The following UBR4 variants were observed in gnomAD, a reference collection of about 807,000 sequenced individuals.
UBR4 encodes E3 ubiquitin-protein ligase UBR4.
Under a neutral mutation model 575.6 loss-of-function variants are expected in UBR4, and 124 were observed. The ratio of observed to expected loss-of-function variants is 0.22; its 90% CI spans 0.19 to 0.25. The LOEUF (loss-of-function observed/expected upper bound fraction) is 0.25. Among genes scored for constraint, UBR4 ranks in the 10% least tolerant of loss-of-function variants. The probability of loss-of-function intolerance (pLI) is 1.00; values close to 1 mark genes in which losing one functional copy is unlikely to be tolerated. For synonymous variants in UBR4, 2,455 were observed against 2,473.7 expected (o/e 0.99, Z 0.22); for missense variants, 4,818 against 6,478.8 (o/e 0.74, Z 8.80).
Position 19,151,845 on chromosome 1 carries a change from G to A in UBR4, c.7011C>T (p.Thr2337=). Reference sequence around the variant, plus strand: ...TGCTATTGTTGTTACTAATCTCAATGGTGAAGCCTCCGGGCTGTAGGGAGA... The same window carrying A: ...TGCTATTGTTGTTACTAATCTCAATAGTGAAGCCTCCGGGCTGTAGGGAGA... ...YVANTKPGGF[T]IEISNNNSTM... is the part of the protein sequence containing the mutation. Residue 2337 remains threonine (T), a synonymous_variant, in exon 48 of 106, where the codon ACC becomes ACT. Transcript: ENST00000375254. The A allele has an allele frequency of 6.2e-7, 1 of 1,602,638 alleles. No individual in the cohort carries two copies.
At position 19,172,890 on chromosome 1, in the gene UBR4, G is replaced by C. The variant is rs1212165331; in HGVS notation, c.3495C>G (p.Leu1165=). ...TKNLLPATLQ[L]IDTYASFTRA... The stretch of plus-strand genomic sequence containing the variant: ...TGGTGAACGATGCATAGGTGTCAAT[G>C]AGTTGCAGCGTGGCTGGAAGTAGGT... Residue 1165 remains leucine, a synonymous_variant, in exon 25 of 106, where the codon CTC becomes CTG. Transcript: ENST00000375254. The C allele has an allele frequency of 6.2e-7, 1 of 1,614,210 alleles. No individual in the cohort carries two copies. Among genetic ancestry groups the C allele is most frequent in the Non-Finnish European group, 8.5e-7 (1 of 1,180,036 alleles).
chr1:19,090,338 T>G (rs547669996), intron 97 of UBR4, among the ~76,000 whole-genome samples: 13 of 152,284 alleles, frequency 8.5e-5, no homozygotes, highest in African/African-American at 3.1e-4. Flanking sequence ...TCCCTTCAAT[T>G]CACTCTCTGT....
At position 19,193,473 on chromosome 1, in the gene UBR4, T is replaced by C; in HGVS notation, c.1103A>G (p.Asp368Gly). The C allele has an allele frequency of 6.2e-7, 1 of 1,614,226 alleles. No homozygotes were observed. Among genetic ancestry groups the C allele is most frequent in the Non-Finnish European group, 8.5e-7 (1 of 1,180,022 alleles). ...VRTGSTSSKE[D>G]DYESDAATIV... ...TGTAGCTGCGTCACTTTCATAGTCA[T>C]CTTCTTTGGAGCTCGTGGACCCTGT... The change falls in exon 9 of 106, where the codon GAT (aspartate) becomes GGT (glycine). Residue 368 changes from aspartate to glycine, a missense_variant. By Grantham distance (94) the Asp-to-Gly change is moderately conservative. This residue lies in a region of UBR4 where 131 missense variants were observed against 214.5 expected (regional missense o/e 0.61). Transcript: ENST00000375254.
chr1:19,085,394 CA>C (rs1211986142), intron 101 of UBR4, among the ~76,000 whole-genome samples: 1 of 152,194 alleles, frequency 6.6e-6, no homozygotes, highest in African/African-American at 2.4e-5. Flanking sequence ...TGGTGGCAGG[CA>C]CCTGTAATTC....
intron 74 of UBR4, 77 bp from the exon 75 acceptor site, chr1:19,115,026 T>C (rs763465770): frequency 3.2e-4 from 515 of 1,586,804 alleles, no homozygotes; most frequent in Non-Finnish European, 4.3e-4. Context: ...AAATGGATTG[T>C]GCCACATTTA....
At chr1:19,081,749 C>A (rs1361769520) in intron 102 of UBR4, 176 bp from the exon 103 acceptor site, 4 of 755,056 alleles carry the variant, frequency 5.3e-6, no homozygotes, top group Admixed American at 4.0e-5. Flanking sequence ...ATAATCCACG[C>A]CCTTCGTCCC....
chr1:19,173,574 T>C lies in UBR4; in HGVS notation c.3030A>G (p.Leu1010=). The stretch of plus-strand genomic sequence containing the variant: ...AAGTCTTTGATGGTGGTAAAATTCC[T>C]AGGATCCTCCACAGTATCAAGAAGT... ...QYYFLILWRI[L]GILPPSKTYI... is the part of the protein sequence containing the mutation. Residue 1010 remains leucine, a synonymous_variant, in exon 23 of 106, where the codon CTA becomes CTG. Coordinates refer to ENST00000375254, the MANE Select transcript of UBR4 (RefSeq NM_020765.3). The C allele has an allele frequency of 1.9e-6, 3 of 1,614,196 alleles. No homozygotes were observed. Among genetic ancestry groups the C allele is most frequent in the South Asian group, 2.2e-5 (2 of 91,082 alleles).
At position 19,093,067 on chromosome 1, in the gene UBR4, C is replaced by T; in HGVS notation, c.14112-149G>A. The T allele has an allele frequency of 1.1e-6, 1 of 873,400 alleles. No homozygotes were observed. The allele number at this position is 873,400 out of a possible 1,614,324, so 54.1% of individuals were successfully genotyped here. ...TAAAGAATCACATAGAACCACCCAG[C>T]TCAGCTGAAAAGCCAGAAAGAAGTG... On this transcript the variant is annotated intron_variant, in intron 96 of 105. Transcript: ENST00000375254. This position sits in a 1 kb window ranked among gnomAD's most constrained non-coding sequence, Gnocchi z 4.8.
rs75914396 is a variant in UBR4 at position 19,170,987 on chromosome 1, T to C, written c.3522-104A>G. 516 of 1,519,026 alleles carry C rather than the reference T, an allele frequency of 3.4e-4. 3 individuals are homozygous for C. The East Asian group carries it at 0.011, about 33-fold the overall frequency. The allele number at this position is 1,519,026 out of a possible 1,614,324, so 94.1% of individuals were successfully genotyped here. ...GAAAACCCTATATCTCAGTTTCCTA[T>C]CTATTTAATGTAGTTGATAGTGCCT... On this transcript the variant is annotated intron_variant, in intron 25 of 105. Coordinates refer to ENST00000375254, the MANE Select transcript of UBR4 (RefSeq NM_020765.3).
intron 102 of UBR4, among the ~76,000 whole-genome samples, chr1:19,082,923 G>C (rs1279635511): frequency 1.3e-5 from 2 of 152,156 alleles, no homozygotes; most frequent in Non-Finnish European, 2.9e-5. Flanking sequence ...CTGTGACCAA[G>C]CTCCCACCAA....
Position 19,104,075 on chromosome 1 carries a change from CA to C in UBR4, c.12901+8del, listed in dbSNP as rs1406255843. 3 of 1,613,704 alleles carry C rather than the reference CA, an allele frequency of 1.9e-6. No individual in the cohort carries two copies. Among genetic ancestry groups the C allele is most frequent in the African/African-American group, 2.7e-5 (2 of 74,944 alleles). ...GTGCCTTAGGCTCCAGGCCACTGGG[CA>C]GTGCTACCTGTGGTCATGTCCTCCA... On this transcript the variant is annotated splice_region_variant and intron_variant, in intron 87 of 105. Transcript: ENST00000375254.
intron 93 of UBR4, 83 bp downstream of exon 93, chr1:19,095,462 T>G (rs768696663): frequency 1.2e-5 from 16 of 1,338,592 alleles, no homozygotes; most frequent in Non-Finnish European, 1.5e-5. Context: ...TGAGTCCATT[T>G]CATCTGAGCC....
chr1:19,128,124 G>A, intron 62 of UBR4, 87 bp downstream of exon 62: 4 of 1,285,300 alleles, frequency 3.1e-6, no homozygotes, highest in Non-Finnish European at 4.5e-6. Flanking sequence ...TTGAAACGAG[G>A]TGAAGTTCCT....
intron 27 of UBR4, among the ~76,000 whole-genome samples, chr1:19,168,662 G>C (rs1428501619): frequency 6.6e-6 from 1 of 152,132 alleles, no homozygotes; most frequent in Non-Finnish European, 1.5e-5. Context: ...GATATACAAA[G>C]AGTAAGTTAA....
At chr1:19,102,414 A>T (rs556335851) in intron 87 of UBR4, among the ~76,000 whole-genome samples, 37 of 151,502 alleles carry the variant, frequency 2.4e-4, no homozygotes, top group South Asian at 6.3e-4. Context: ...AATTAAAATT[A>T]AAAAAAAAGG....
chr1:19,195,201 C>T (rs775577935), intron 8 of UBR4, among the ~76,000 whole-genome samples: 6 of 151,020 alleles, frequency 4.0e-5, no homozygotes, highest in African/African-American at 1.5e-4. Flanking sequence ...GGAGGTGGAG[C>T]TTGCAGTGAG....
At position 19,147,090 on chromosome 1, in the gene UBR4, A is replaced by G. The variant is rs1483003542; in HGVS notation, c.7630-90T>C. On this transcript the variant is annotated intron_variant, in intron 51 of 105. Transcript: ENST00000375254. ...AGAGAAAAGCTGGCAGATCACCAGGATTATTACCTCCTCTCAAGAGAACAG... is the reference window on the plus strand; with the variant it reads ...AGAGAAAAGCTGGCAGATCACCAGGGTTATTACCTCCTCTCAAGAGAACAG... 6 of 1,406,778 alleles carry G rather than the reference A, an allele frequency of 4.3e-6. No individual in the cohort carries two copies. The East Asian group carries it at 1.2e-4, about 28-fold the overall frequency. 87.1% of individuals were successfully genotyped at this position (1,406,778 alleles called of 1,614,324 possible).
In UBR4 at chr1:19,183,444, G is replaced by A. The variant is rs375031022; in HGVS notation, c.2184+367C>T. ...TCCTTAACAATTGGAGCTACAGGCC[G>A]GGCGCGGTGGCTCACGCCTATAATC... On this transcript the variant is annotated intron_variant, in intron 17 of 105. Transcript: ENST00000375254. Among the ~76,000 whole-genome samples the A allele has an allele frequency of 5.9e-5, 9 of 152,314 alleles. No individual in the cohort carries two copies. In the South Asian group the frequency reaches 6.2e-4, roughly 11 times the overall value.
rs2078996566 is a variant in UBR4, at chr1:19,104,655, A to T, written c.12657T>A (p.Arg4219=). Residue 4219 remains arginine, a synonymous_variant, in exon 86 of 106, where the codon CGT becomes CGA. Coordinates refer to ENST00000375254, the MANE Select transcript of UBR4 (RefSeq NM_020765.3). ...GGGTAGCCTCCTCCAGGGCCAGCAGACGAGCTATTTCCTAAACAGGATGAC... is the reference window on the plus strand; with the variant it reads ...GGGTAGCCTCCTCCAGGGCCAGCAGTCGAGCTATTTCCTAAACAGGATGAC... ...VGNLITKEIA[R]LLALEEATLS... is the part of the protein sequence containing the mutation. 1 of 1,613,980 alleles carries T rather than the reference A, an allele frequency of 6.2e-7. No individual in the cohort carries two copies. Among genetic ancestry groups the T allele is most frequent in the Admixed American group, 1.7e-5 (1 of 60,004 alleles).
Sources: gnomAD v4.1 joint callset for allele counts (sites outside exome capture counted in the v4.1 genomes callset) on GRCh38, gnomAD v4.1.1 for gene constraint, gnomAD v4.1.1 regional missense constraint, Gnocchi (gnomAD v3.1) non-coding constraint, MANE v1.5 for transcripts, NCBI Gene and HGNC (gene_info 2026-07-23, HGNC 2026-07-21) for gene names.